Variants in EXOC4 observed in about 807,000 individuals in gnomAD.
EXOC4 encodes SEC8-like 1.
A neutral mutation model predicts 107.2 loss-of-function variants in EXOC4; 71 were observed. The observed-to-expected ratio is 0.66, with a 90% CI of 0.55 to 0.81. The LOEUF is 0.81. Ranked by LOEUF, EXOC4 falls within the 30% of genes least tolerant of loss-of-function variation. EXOC4 has a pLI of 0.00. For missense variants in EXOC4, 1,108 were observed against 1,189.6 expected, an observed-to-expected ratio of 0.93 and a Z score of 1.01; for synonymous variants, 456 against 441.2, an observed-to-expected ratio of 1.03 and a Z score of -0.42.
chr7:133,260,191 G>A (rs1197994792), intron 1 of EXOC4, among the ~76,000 whole-genome samples: 1 of 151,382 alleles, frequency 6.6e-6, no homozygotes, highest in East Asian at 1.9e-4. Context: ...TTCCATTCAT[G>A]TTTATATTGA....
At chr7:133,758,846 A>G (rs1795972298) in intron 10 of EXOC4, among the ~76,000 whole-genome samples, 2 of 152,190 alleles carry the variant, frequency 1.3e-5, no homozygotes, top group African/African-American at 2.4e-5. Context: ...GAGATACAGC[A>G]TGCCTTTTTA....
intron 11 of EXOC4, among the ~76,000 whole-genome samples, chr7:133,823,438 C>T (rs1797573078): frequency 6.6e-6 from 1 of 152,148 alleles, no homozygotes; most frequent in Non-Finnish European, 1.5e-5. Flanking sequence ...ATGATCCCAA[C>T]ATGCAGCCAG....
At chr7:133,528,851 C>T (rs1016816123) in intron 9 of EXOC4, among the ~76,000 whole-genome samples, 1 of 152,084 alleles carries the variant, frequency 6.6e-6, no homozygotes, top group African/African-American at 2.4e-5. Context: ...TCTTAAATCT[C>T]TGTTCATTTA....
intron 9 of EXOC4, among the ~76,000 whole-genome samples, chr7:133,486,007 C>A (rs1162576898): frequency 2.0e-5 from 3 of 151,988 alleles, no homozygotes; most frequent in African/African-American, 7.3e-5. Flanking sequence ...AATGATATTA[C>A]CTTTAGAGTG....
chr7:133,903,951 A>C (rs949501807), intron 12 of EXOC4, among the ~76,000 whole-genome samples: 1 of 152,186 alleles, frequency 6.6e-6, no homozygotes, highest in Non-Finnish European at 1.5e-5. Context: ...GGACTGAGTG[A>C]TAAATGTAGC....
chr7:133,254,593 A>T (rs1794970401), intron 1 of EXOC4, among the ~76,000 whole-genome samples: 1 of 152,224 alleles, frequency 6.6e-6, no homozygotes. Context: ...GCCAGTTGAC[A>T]GTATGGCGTC....
At chr7:133,510,693 A>C (rs1799752205) in intron 9 of EXOC4, among the ~76,000 whole-genome samples, 1 of 152,214 alleles carries the variant, frequency 6.6e-6, no homozygotes, top group African/African-American at 2.4e-5. Flanking sequence ...CCTCACTGTT[A>C]TAGTGATTTT....
intron 10 of EXOC4, among the ~76,000 whole-genome samples, chr7:133,688,324 T>C (rs1017614902): frequency 1.3e-5 from 2 of 152,348 alleles, no homozygotes; most frequent in South Asian, 2.1e-4. Context: ...TCAATGCATA[T>C]GTTTGATTAA....
chr7:133,719,036 G>A (rs1336256315), intron 10 of EXOC4, among the ~76,000 whole-genome samples: 1 of 152,156 alleles, frequency 6.6e-6, no homozygotes, highest in East Asian at 1.9e-4. Context: ...ATCTTGAATT[G>A]TAACTCCCAC....
intron 10 of EXOC4, among the ~76,000 whole-genome samples, chr7:133,815,560 A>G (rs2550989): frequency 0.38 from 57,949 of 152,078 alleles, 13,602 homozygotes; most frequent in Admixed American, 0.55. Flanking sequence ...GCTGTCTTAT[A>G]TGCTTTGCAA....
At chr7:133,716,359 C>G (rs939568753) in intron 10 of EXOC4, among the ~76,000 whole-genome samples, 6 of 152,030 alleles carry the variant, frequency 3.9e-5, no homozygotes, top group Non-Finnish European at 5.9e-5. Flanking sequence ...TATATGGGAG[C>G]GAGTCTTGGG....
At chr7:133,478,370 AT>A (rs1298523139) in intron 8 of EXOC4, among the ~76,000 whole-genome samples, 1 of 151,862 alleles carries the variant, frequency 6.6e-6, no homozygotes, top group East Asian at 1.9e-4. Context: ...ATTATTACAC[AT>A]TTTTTATTAT....
At chr7:133,388,087 T>C (rs1009573863) in intron 7 of EXOC4, among the ~76,000 whole-genome samples, 4 of 152,178 alleles carry the variant, frequency 2.6e-5, no homozygotes, top group African/African-American at 9.7e-5. Context: ...ACTTTGCCTT[T>C]TAAGCCACGG....
chr7:133,760,121 C>T lies in EXOC4; in HGVS notation c.1515-57204C>T, dbSNP rs543891141. ...CTTAGTTCCGTGTAATCAGGCTACT[C>T]TCTTGGGACAGCCATTGTAAACACT... On this transcript the variant is annotated intron_variant, in intron 10 of 17. Coordinates refer to ENST00000253861, the MANE Select transcript of EXOC4 (RefSeq NM_021807.4). Among the ~76,000 whole-genome samples, 13 of 152,278 alleles carry T rather than the reference C, an allele frequency of 8.5e-5. No homozygotes were observed. In the East Asian group the frequency reaches 1.2e-3, roughly 14 times the overall value.
At chr7:133,555,868 G>A in intron 9 of EXOC4, among the ~76,000 whole-genome samples, 1 of 152,158 alleles carries the variant, frequency 6.6e-6, no homozygotes, top group East Asian at 1.9e-4. Context: ...ATAGAAATAG[G>A]ATGTGTGCAT....
chr7:133,734,385 G>C (rs1795395068), intron 10 of EXOC4, among the ~76,000 whole-genome samples: 1 of 151,394 alleles, frequency 6.6e-6, no homozygotes, highest in Non-Finnish European at 1.5e-5. Context: ...GGACCTGGCA[G>C]AATGTAAATG....
chr7:133,362,072 T>A (rs1796148295), intron 6 of EXOC4, among the ~76,000 whole-genome samples: 1 of 152,196 alleles, frequency 6.6e-6, no homozygotes, highest in Non-Finnish European at 1.5e-5. Flanking sequence ...GCCAGTTTCT[T>A]TCTCTTTTGA....
At chr7:133,815,097 C>T in intron 10 of EXOC4, among the ~76,000 whole-genome samples, 1 of 152,104 alleles carries the variant, frequency 6.6e-6, no homozygotes, top group East Asian at 1.9e-4. Flanking sequence ...ACAATTATTT[C>T]ATGACTTTAA....
chr7:133,261,229 A>AT (rs140400761), intron 1 of EXOC4, among the ~76,000 whole-genome samples: 4,783 of 142,466 alleles, frequency 0.034, 272 homozygotes, highest in African/African-American at 0.12. Context: ...CCATTGATTA[A>AT]TTTTTTTTTC....
Sources: gnomAD v4.1 joint callset for allele counts (sites outside exome capture counted in the v4.1 genomes callset) on GRCh38, gnomAD v4.1.1 for gene constraint, MANE v1.5 for transcripts, NCBI Gene and HGNC (gene_info 2026-07-23, HGNC 2026-07-21) for gene names.